NXPH2: variants seen among roughly 807,000 people sequenced by gnomAD.
NXPH2 encodes the protein neurexophilin-2.
NXPH2 carries 5 observed loss-of-function variants against 19.8 expected under a neutral mutation model. That is an observed-to-expected ratio of 0.25 (90% CI 0.13 to 0.53). NXPH2 has a LOEUF of 0.53. Among genes scored for constraint, NXPH2 ranks in the 20% least tolerant of loss-of-function variants. The pLI is 0.96. For missense variants in NXPH2, 289 were observed against 322.8 expected, an observed-to-expected ratio of 0.90 and a Z score of 0.80; for synonymous variants, 154 against 127.4, an observed-to-expected ratio of 1.21 and a Z score of -1.41.
At chr2:138,682,780 GT>G (rs1680597308) in intron 1 of NXPH2, among the ~76,000 whole-genome samples, 1 of 152,160 alleles carries the variant, frequency 6.6e-6, no homozygotes, top group Admixed American at 6.5e-5. Flanking sequence ...TATTGCTAAG[GT>G]TAAATATGGC....
At chr2:138,700,711 A>T (rs1260326296) in intron 1 of NXPH2, among the ~76,000 whole-genome samples, 2 of 151,966 alleles carry the variant, frequency 1.3e-5, no homozygotes, top group Non-Finnish European at 2.9e-5. Context: ...CCTGCTGACC[A>T]TCCGTCTGTT....
intron 1 of NXPH2, among the ~76,000 whole-genome samples, chr2:138,683,251 T>A (rs1317336822): frequency 6.6e-6 from 1 of 152,180 alleles, no homozygotes; most frequent in Non-Finnish European, 1.5e-5. Context: ...TCTACTTTCA[T>A]CATTCAAGTT....
intron 1 of NXPH2, among the ~76,000 whole-genome samples, chr2:138,766,781 C>A (rs1289322552): frequency 6.6e-6 from 1 of 152,110 alleles, no homozygotes; most frequent in Non-Finnish European, 1.5e-5. Flanking sequence ...AGGTCAAATA[C>A]AAAACACAAA....
At chr2:138,777,984 T>C (rs1040396485) in intron 1 of NXPH2, among the ~76,000 whole-genome samples, 2 of 152,102 alleles carry the variant, frequency 1.3e-5, no homozygotes, top group Admixed American at 1.3e-4. Flanking sequence ...CAATATCAGC[T>C]GAAAAAGGTA....
At chr2:138,706,741 A>AT (rs1004942875) in intron 1 of NXPH2, among the ~76,000 whole-genome samples, 16 of 149,448 alleles carry the variant, frequency 1.1e-4, no homozygotes, top group Admixed American at 3.4e-4. Flanking sequence ...GAAAGACTTC[A>AT]TTTTTTTTTT....
chr2:138,753,973 C>T (rs1441703058), intron 1 of NXPH2, among the ~76,000 whole-genome samples: 1 of 152,092 alleles, frequency 6.6e-6, no homozygotes, highest in African/African-American at 2.4e-5. Context: ...CCTCCCTATC[C>T]TCTTCAGTGA....
intron 1 of NXPH2, among the ~76,000 whole-genome samples, chr2:138,672,001 T>G (rs1680423894): frequency 6.6e-6 from 1 of 152,220 alleles, no homozygotes; most frequent in Non-Finnish European, 1.5e-5. Flanking sequence ...TTTGATATAA[T>G]CATTAAATTG....
chr2:138,747,565 T>C (rs4334435), intron 1 of NXPH2, among the ~76,000 whole-genome samples: 142,768 of 152,238 alleles, frequency 0.94, 67,563 homozygotes, highest in Non-Finnish European at 1. Context: ...GGCACCCTTG[T>C]AACATTGGAG....
intron 1 of NXPH2, among the ~76,000 whole-genome samples, chr2:138,699,813 T>A (rs528547937): frequency 6.6e-6 from 1 of 152,342 alleles, no homozygotes; most frequent in South Asian, 2.1e-4. Flanking sequence ...TCATGCGTAT[T>A]TTCTTGTTAA....
intron 1 of NXPH2, among the ~76,000 whole-genome samples, chr2:138,751,944 T>G (rs911974183): frequency 2.0e-5 from 3 of 152,190 alleles, no homozygotes; most frequent in Non-Finnish European, 4.4e-5. Flanking sequence ...TGTGGAGAGA[T>G]AACTCTAGGA....
chr2:138,779,315 A>C (rs968806344), intron 1 of NXPH2, among the ~76,000 whole-genome samples: 3 of 152,210 alleles, frequency 2.0e-5, no homozygotes, highest in African/African-American at 7.2e-5. Flanking sequence ...TTACTTTAAA[A>C]GTTTCTTCTT....
At chr2:138,676,983 A>G (rs1310595075) in intron 1 of NXPH2, among the ~76,000 whole-genome samples, 3 of 152,336 alleles carry the variant, frequency 2.0e-5, no homozygotes, top group Middle Eastern at 3.4e-3. Context: ...ATTCCAATCT[A>G]CTACATGAAT....
intron 1 of NXPH2, among the ~76,000 whole-genome samples, chr2:138,733,737 C>T (rs551101983): frequency 1.3e-5 from 2 of 152,218 alleles, no homozygotes; most frequent in Admixed American, 6.5e-5. Context: ...GGCTACTGTA[C>T]CCATGGGGCT....
intron 1 of NXPH2, among the ~76,000 whole-genome samples, chr2:138,716,682 G>A (rs1014012468): frequency 2.0e-5 from 3 of 152,050 alleles, no homozygotes; most frequent in Non-Finnish European, 2.9e-5. Flanking sequence ...CCTTATGATC[G>A]GTTCCACCCA....
At chr2:138,719,551 T>G (rs1208433961) in intron 1 of NXPH2, among the ~76,000 whole-genome samples, 6 of 152,216 alleles carry the variant, frequency 3.9e-5, no homozygotes, top group Non-Finnish European at 7.3e-5. Flanking sequence ...TATATGAATG[T>G]ATAGTGTTAC....
At chr2:138,672,229 C>T (rs1435197021) in intron 1 of NXPH2, among the ~76,000 whole-genome samples, 1 of 151,936 alleles carries the variant, frequency 6.6e-6, no homozygotes, top group Non-Finnish European at 1.5e-5. Context: ...TTAGAAAGTT[C>T]TACAAAAAGT....
chr2:138,774,008 ACTC>A (rs1303643724), intron 1 of NXPH2, among the ~76,000 whole-genome samples: 1 of 152,154 alleles, frequency 6.6e-6, no homozygotes, highest in South Asian at 2.1e-4. Context: ...TTACATGTGA[ACTC>A]CTGAAACCAT....
intron 1 of NXPH2, among the ~76,000 whole-genome samples, chr2:138,704,570 C>T (rs1012539977): frequency 4.6e-5 from 7 of 152,116 alleles, no homozygotes; most frequent in Admixed American, 1.3e-4. Context: ...CCAATTAAAT[C>T]AGAAGGAGGG....
chr2:138,726,561 C>CT (rs1681363380), intron 1 of NXPH2, among the ~76,000 whole-genome samples: 3 of 148,792 alleles, frequency 2.0e-5, no homozygotes, highest in Non-Finnish European at 4.5e-5. Context: ...CACACACACC[C>CT]TCCAACATAG....
Sources: allele counts gnomAD v4.1 joint callset (sites outside exome capture counted in the v4.1 genomes callset), GRCh38; gene constraint gnomAD v4.1.1; transcripts MANE v1.5; gene names NCBI Gene and HGNC (gene_info 2026-07-23, HGNC 2026-07-21).